The following ERBB4 variants were observed in gnomAD, a reference collection of about 807,000 sequenced individuals.
The protein encoded by ERBB4 is receptor tyrosine-protein kinase erbB-4.
ERBB4 carries 42 observed loss-of-function variants against 158.0 expected under a neutral mutation model. That is an observed-to-expected ratio of 0.27 (90% CI 0.21 to 0.34). ERBB4 has a LOEUF of 0.34. Ranked by LOEUF, ERBB4 falls within the 10% of genes least tolerant of loss-of-function variation. ERBB4 has a pLI of 1.00. For synonymous variants in ERBB4, 583 were observed against 558.7 expected (o/e 1.04, Z -0.61); for missense variants, 1,333 against 1,624.1 (o/e 0.82, Z 3.08).
chr2:211,814,375 G>C (rs1289918598), intron 3 of ERBB4, among the ~76,000 whole-genome samples: 1 of 151,986 alleles, frequency 6.6e-6, no homozygotes, highest in Non-Finnish European at 1.5e-5. Context: ...ATAAACATAA[G>C]GCATGTAATA....
At chr2:212,503,976 A>G (rs1691043545) in intron 1 of ERBB4, among the ~76,000 whole-genome samples, 2 of 152,246 alleles carry the variant, frequency 1.3e-5, no homozygotes, top group Non-Finnish European at 2.9e-5. Flanking sequence ...TTTGTTAAGT[A>G]TCTATATGTT....
chr2:212,215,637 C>G (rs1439845028), intron 1 of ERBB4, among the ~76,000 whole-genome samples: 1 of 151,152 alleles, frequency 6.6e-6, no homozygotes, highest in Non-Finnish European at 1.5e-5. Flanking sequence ...AAAAGGAAAA[C>G]AAGCTTTAGA....
chr2:211,697,269 T>C (rs1041980210), intron 12 of ERBB4, among the ~76,000 whole-genome samples: 3 of 152,122 alleles, frequency 2.0e-5, no homozygotes, highest in African/African-American at 7.2e-5. Flanking sequence ...GTTTAATAAA[T>C]TATTTTGGAT....
intron 3 of ERBB4, among the ~76,000 whole-genome samples, chr2:211,860,946 T>TTA (rs1268922014): frequency 2.6e-5 from 2 of 76,664 alleles, no homozygotes; most frequent in Non-Finnish European, 5.3e-5. Flanking sequence ...TATATATATT[T>TTA]TATATATATA....
chr2:211,542,804 A>G (rs931929234), intron 20 of ERBB4, among the ~76,000 whole-genome samples: 2 of 151,896 alleles, frequency 1.3e-5, no homozygotes, highest in Admixed American at 6.6e-5. Flanking sequence ...CTCTCCCAGG[A>G]GTGATTTCTT....
intron 2 of ERBB4, among the ~76,000 whole-genome samples, chr2:211,953,710 C>T (rs572143786): frequency 2.6e-4 from 39 of 152,058 alleles, no homozygotes; most frequent in African/African-American, 8.7e-4. Context: ...TAAATACAAT[C>T]GGATATTATT....
intron 20 of ERBB4, among the ~76,000 whole-genome samples, chr2:211,511,374 T>A (rs1378066751): frequency 6.6e-6 from 1 of 152,066 alleles, no homozygotes; most frequent in African/African-American, 2.4e-5. Context: ...CATGATTATA[T>A]ACATGTTCTT....
rs141427546 is a variant in ERBB4, at chr2:211,881,234, A to T, written c.421+66196T>A. ...GTGGTCTCGGCCAAAGCAAAAGCAG[A>T]CTGGTCAAGAGCAAAGGTCATGGTG... On this transcript the variant is annotated intron_variant, in intron 3 of 27. Coordinates refer to ENST00000342788, the MANE Select transcript of ERBB4 (RefSeq NM_005235.3). Among the ~76,000 whole-genome samples the T allele has an allele frequency of 5.3e-4, 81 of 152,374 alleles. No individual in the cohort carries two copies. The East Asian group carries it at 0.013, about 24-fold the overall frequency.
chr2:211,863,543 C>G (rs2078124322), intron 3 of ERBB4, among the ~76,000 whole-genome samples: 2 of 152,192 alleles, frequency 1.3e-5, no homozygotes, highest in Admixed American at 1.3e-4. Flanking sequence ...TAAGAACCCA[C>G]TGGGAGGAAC....
At chr2:211,417,776 ATAGTGGG>A (rs1349890164) in intron 25 of ERBB4, among the ~76,000 whole-genome samples, 1 of 152,178 alleles carries the variant, frequency 6.6e-6, no homozygotes, top group Non-Finnish European at 1.5e-5. Flanking sequence ...CTTTTCATAG[ATAGTGGG>A]TAGAGCACCT....
intron 12 of ERBB4, among the ~76,000 whole-genome samples, chr2:211,685,829 C>A (rs1207717816): frequency 6.6e-6 from 1 of 152,028 alleles, no homozygotes. Context: ...GCATACAAGT[C>A]CTGTATATGT....
intron 2 of ERBB4, among the ~76,000 whole-genome samples, chr2:212,010,160 C>T (rs1458338248): frequency 1.3e-5 from 2 of 152,140 alleles, no homozygotes; most frequent in African/African-American, 4.8e-5. Flanking sequence ...CATCCTGAGA[C>T]TGCTGTTACA....
intron 3 of ERBB4, among the ~76,000 whole-genome samples, chr2:211,909,157 C>G (rs2079476435): frequency 6.6e-6 from 1 of 151,632 alleles, no homozygotes; most frequent in Admixed American, 6.6e-5. Context: ...GTGAAATATT[C>G]TCTGCAATAA....
At chr2:212,377,364 T>C (rs987187598) in intron 1 of ERBB4, among the ~76,000 whole-genome samples, 2 of 151,650 alleles carry the variant, frequency 1.3e-5, no homozygotes, top group Admixed American at 6.6e-5. Flanking sequence ...AATTTTGCCA[T>C]TGTGCAAATA....
intron 1 of ERBB4, among the ~76,000 whole-genome samples, chr2:212,408,509 G>T (rs970650052): frequency 1.3e-5 from 2 of 152,116 alleles, no homozygotes; most frequent in Non-Finnish European, 2.9e-5. Context: ...CAGGCATGGG[G>T]CCACATGCCT....
intron 1 of ERBB4, among the ~76,000 whole-genome samples, chr2:212,414,765 A>T (rs2091604418): frequency 6.6e-6 from 1 of 152,198 alleles, no homozygotes; most frequent in Non-Finnish European, 1.5e-5. Flanking sequence ...GAATCGATTT[A>T]AACTGGAACC....
intron 2 of ERBB4, among the ~76,000 whole-genome samples, chr2:212,072,055 A>C (rs1386663896): frequency 6.6e-6 from 1 of 151,998 alleles, no homozygotes; most frequent in East Asian, 1.9e-4. Flanking sequence ...AGCAAAAAGC[A>C]AGGCTATATT....
At chr2:211,920,927 T>A (rs986187003) in intron 3 of ERBB4, among the ~76,000 whole-genome samples, 1 of 151,978 alleles carries the variant, frequency 6.6e-6, no homozygotes, top group Non-Finnish European at 1.5e-5. Flanking sequence ...TTTTGAATTA[T>A]GTTTATTAAT....
At chr2:211,454,057 C>T (rs1035657460) in intron 20 of ERBB4, among the ~76,000 whole-genome samples, 21 of 151,984 alleles carry the variant, frequency 1.4e-4, no homozygotes, top group African/African-American at 5.1e-4. Context: ...CAAATAAATC[C>T]CCAGATACGT....
Sources: gnomAD v4.1 joint callset for allele counts (sites outside exome capture counted in the v4.1 genomes callset) on GRCh38, gnomAD v4.1.1 for gene constraint, MANE v1.5 for transcripts, NCBI Gene and HGNC (gene_info 2026-07-23, HGNC 2026-07-21) for gene names.